FARS2: variants seen among roughly 807,000 people sequenced by gnomAD.
FARS2 encodes phenylalanyl-tRNA synthetase 2, mitochondrial, also known as phenylalanine--tRNA ligase, mitochondrial.
FARS2 carries 40 observed loss-of-function variants against 46.4 expected under a neutral mutation model. The observed-to-expected ratio is 0.86, with a 90% confidence interval of 0.67 to 1.12. The LOEUF is 1.12. Among genes scored for constraint, FARS2 ranks in the 50% most tolerant of loss-of-function variants. The pLI is 0.00. For synonymous variants in FARS2, 234 were observed against 214.9 expected (o/e 1.09, Z -0.78); for missense variants, 513 against 567.9 (o/e 0.90, Z 0.98).
At chr6:5,372,548 T>G in intron 2 of FARS2, among the ~76,000 whole-genome samples, 1 of 152,116 alleles carries the variant, frequency 6.6e-6, no homozygotes, top group East Asian at 1.9e-4. Context: ...TTCAGTGTAG[T>G]TTATGTAGAA....
chr6:5,298,855 T>A (rs1261483087), intron 1 of FARS2, among the ~76,000 whole-genome samples: 3 of 106,384 alleles, frequency 2.8e-5, no homozygotes, highest in African/African-American at 7.5e-5. Context: ...AGAGCAAAAC[T>A]CCATCTCAAA....
chr6:5,418,298 G>A (rs1446647409), intron 3 of FARS2, among the ~76,000 whole-genome samples: 1 of 152,080 alleles, frequency 6.6e-6, no homozygotes, highest in Non-Finnish European at 1.5e-5. Context: ...ACCTTCTGAT[G>A]CATTGGATAT....
At chr6:5,642,685 A>T (rs867533467) in intron 6 of FARS2, among the ~76,000 whole-genome samples, 15 of 152,314 alleles carry the variant, frequency 9.8e-5, no homozygotes, top group South Asian at 2.1e-4. Context: ...CAGACCTTAG[A>T]TGCCTGCTTT....
chr6:5,312,445 A>G (rs1769143369), intron 1 of FARS2, among the ~76,000 whole-genome samples: 1 of 152,200 alleles, frequency 6.6e-6, no homozygotes, highest in African/African-American at 2.4e-5. Flanking sequence ...TTTGAGGACA[A>G]TATTGCCAGC....
chr6:5,767,185 A>G (rs1390813001), intron 6 of FARS2, among the ~76,000 whole-genome samples: 2 of 151,828 alleles, frequency 1.3e-5, no homozygotes, highest in African/African-American at 2.4e-5. Context: ...CCTCCCAAGT[A>G]GCTGGAATTA....
At chr6:5,260,933 C>G, upstream of FARS2, 6 of 1,349,360 alleles carry the variant, frequency 4.4e-6, no homozygotes, top group Non-Finnish European at 5.7e-6. Context: ...GCTTCGGGGG[C>G]GGGCGCAGGC....
At chr6:5,577,415 T>C (rs756339976) in intron 5 of FARS2, among the ~76,000 whole-genome samples, 4 of 152,054 alleles carry the variant, frequency 2.6e-5, no homozygotes, top group African/African-American at 9.7e-5. Flanking sequence ...CTGGACACAA[T>C]ACAACAATAG....
At chr6:5,747,362 C>T (rs1761703864) in intron 6 of FARS2, among the ~76,000 whole-genome samples, 1 of 152,146 alleles carries the variant, frequency 6.6e-6, no homozygotes, top group Non-Finnish European at 1.5e-5. Flanking sequence ...AAGCAGGGTG[C>T]CCAGTTAGAC....
At chr6:5,372,308 T>G (rs947478651) in intron 2 of FARS2, among the ~76,000 whole-genome samples, 10 of 152,188 alleles carry the variant, frequency 6.6e-5, no homozygotes, top group African/African-American at 2.4e-4. Flanking sequence ...ATATTTATTT[T>G]TAAAATTTGG....
chr6:5,283,314 A>C (rs140314709), intron 1 of FARS2, among the ~76,000 whole-genome samples: 1 of 148,708 alleles, frequency 6.7e-6, no homozygotes, highest in East Asian at 2.0e-4. Flanking sequence ...TGGATGTTGC[A>C]GTGAGCTGAG....
At chr6:5,730,613 G>T (rs1019794211) in intron 6 of FARS2, among the ~76,000 whole-genome samples, 29 of 151,902 alleles carry the variant, frequency 1.9e-4, no homozygotes, top group African/African-American at 6.8e-4. Context: ...TAATATGTCC[G>T]AGCCCAGGGC....
At chr6:5,474,340 G>A (rs994728653) in intron 4 of FARS2, among the ~76,000 whole-genome samples, 1 of 152,180 alleles carries the variant, frequency 6.6e-6, no homozygotes, top group African/African-American at 2.4e-5. Flanking sequence ...GACACAGGGA[G>A]ACTCACAGTC....
intron 2 of FARS2, among the ~76,000 whole-genome samples, chr6:5,391,512 A>G (rs1256706536): frequency 6.6e-6 from 1 of 152,154 alleles, no homozygotes; most frequent in Non-Finnish European, 1.5e-5. Flanking sequence ...CAGGATAGAT[A>G]AGTGTTTAGC....
At chr6:5,724,327 G>A (rs1561822315) in intron 6 of FARS2, among the ~76,000 whole-genome samples, 3 of 152,216 alleles carry the variant, frequency 2.0e-5, no homozygotes, top group Non-Finnish European at 4.4e-5. Context: ...TAAGCAGAAT[G>A]TTTGCACACA....
intron 6 of FARS2, chr6:5,668,014 G>A (rs941444980): frequency 6.6e-6 from 1 of 152,206 alleles, no homozygotes; most frequent in African/African-American, 2.4e-5. Flanking sequence ...TTACTTCGTA[G>A]CCCACTTTCC....
At chr6:5,361,306 CTTG>C (rs1406090514) in intron 1 of FARS2, among the ~76,000 whole-genome samples, 1 of 152,114 alleles carries the variant, frequency 6.6e-6, no homozygotes, top group East Asian at 1.9e-4. Context: ...TAATCATTCC[CTTG>C]TTGTGGGACA....
At chr6:5,729,173 C>T (rs1009119764) in intron 6 of FARS2, among the ~76,000 whole-genome samples, 1 of 152,180 alleles carries the variant, frequency 6.6e-6, no homozygotes, top group Non-Finnish European at 1.5e-5. Flanking sequence ...CTTCCTGCTG[C>T]AGGAAAGAGC....
intron 4 of FARS2, among the ~76,000 whole-genome samples, chr6:5,470,985 C>T (rs1433397277): frequency 6.6e-6 from 1 of 152,170 alleles, no homozygotes; most frequent in East Asian, 1.9e-4. Flanking sequence ...TTTATAACAG[C>T]CAGTCTATTA....
At chr6:5,632,372 G>A (rs979069612) in intron 6 of FARS2, among the ~76,000 whole-genome samples, 8 of 152,052 alleles carry the variant, frequency 5.3e-5, no homozygotes, top group Admixed American at 3.3e-4. Flanking sequence ...GTGGTGAGAT[G>A]GGAAGAGTGT....
Sources: allele counts gnomAD v4.1 joint callset (sites outside exome capture counted in the v4.1 genomes callset), GRCh38; gene constraint gnomAD v4.1.1; transcripts MANE v1.5; gene names NCBI Gene and HGNC (gene_info 2026-07-23, HGNC 2026-07-21).